The following PCNX4 variants were observed in gnomAD, a reference collection of about 807,000 sequenced individuals.
PCNX4 encodes the protein pecanex-like protein 4.
In PCNX4, 103 loss-of-function variants were observed where a neutral mutation model predicts 107.2. That is an observed-to-expected ratio of 0.96 (90% CI 0.82 to 1.13). The LOEUF (loss-of-function observed/expected upper bound fraction) is 1.13, where lower values mean the gene tolerates loss of function less well. Ranked by LOEUF, PCNX4 falls within the 50% of genes most tolerant of loss-of-function variation. The probability of loss-of-function intolerance (pLI) is 0.00; values close to 1 mark genes in which losing one functional copy is unlikely to be tolerated. For synonymous variants in PCNX4, 541 were observed against 481.7 expected, an observed-to-expected ratio of 1.12 and a Z score of -1.61; for missense variants, 1,528 against 1,379.4, an observed-to-expected ratio of 1.11 and a Z score of -1.71.
intron 7 of PCNX4, among the ~76,000 whole-genome samples, chr14:60,120,002 C>G (rs980305389): frequency 6.6e-6 from 1 of 152,148 alleles, no homozygotes; most frequent in Non-Finnish European, 1.5e-5. Context: ...GTTTTAGATT[C>G]CATGATTTAG....
At position 60,121,189 on chromosome 14, in the gene PCNX4, G is replaced by A; in HGVS notation, c.1943-7G>A. On this transcript the variant is annotated splice_polypyrimidine_tract_variant and splice_region_variant and intron_variant, in intron 7 of 10. Coordinates refer to ENST00000406854, the MANE Select transcript of PCNX4 (RefSeq NM_001330177.2). ...TTTTTTTTTTTTTTTTTTCTAATTT[G>A]TTGTAGGTCTCCTCCTACCTGGATC... The A allele has an allele frequency of 6.2e-6, 4 of 644,216 alleles. No individual in the cohort carries two copies. The highest frequency in any genetic ancestry group is 3.1e-5 in the South Asian group (1 of 31,788). The allele number at this position is 644,216 out of a possible 1,614,324, so 39.9% of individuals were successfully genotyped here. A position where few individuals can be genotyped will look rare whatever the true frequency, so the allele number is the denominator to read the frequency against.
chr14:60,121,286 C>G lies in PCNX4; in HGVS notation c.2033C>G (p.Ser678Cys). 2 of 1,597,792 alleles carry G rather than the reference C, an allele frequency of 1.3e-6. No homozygotes were observed. The highest frequency in any genetic ancestry group is 1.7e-6 in the Non-Finnish European group (2 of 1,171,870). Residue 678 changes from serine to cysteine, a missense_variant, in exon 8 of 11, where the codon TCT (serine) becomes TGT (cysteine). Physicochemically the swap from Ser to Cys is moderately radical, Grantham distance 112. Coordinates refer to ENST00000406854, the MANE Select transcript of PCNX4 (RefSeq NM_001330177.2). ...CTGGAATGTGGCTATACTTACTGCT[C>G]TATTAACATTAAGGTCAGTGTGCAT... ...MILECGYTYC[S>C]INIKGLELQE...
chr14:60,125,850 CAT>C, intron 10 of PCNX4, 27 bp downstream of exon 10: 1 of 1,463,206 alleles, frequency 6.8e-7, no homozygotes, highest in South Asian at 1.3e-5. Context: ...TTTAAACTTA[CAT>C]ATACTAACCT....
intron 10 of PCNX4, among the ~76,000 whole-genome samples, chr14:60,128,219 C>T (rs1896090807): frequency 6.6e-6 from 1 of 152,096 alleles, no homozygotes; most frequent in Non-Finnish European, 1.5e-5. Flanking sequence ...TATTGTAAAA[C>T]ATTAATCCAC....
rs145413835 is a variant in PCNX4, at chr14:60,098,648, A to G, written c.-54+6229A>G. ...AATATATGTTTCTGTTTAAACATCA[A>G]AAGTCTTTTGCTGGGCACGGTGGCT... On this transcript the variant is annotated intron_variant, in intron 1 of 10. Coordinates refer to ENST00000406854, the MANE Select transcript of PCNX4 (RefSeq NM_001330177.2). Among the ~76,000 whole-genome samples, 755 of 152,288 alleles carry G rather than the reference A, an allele frequency of 5.0e-3. 14 individuals are homozygous for G. Among genetic ancestry groups the G allele is most frequent in the African/African-American group, 0.017 (713 of 41,554 alleles).
chr14:60,114,933 CT>C (rs1895814058), intron 3 of PCNX4, 40 bp from the exon 4 acceptor site: 1 of 1,539,556 alleles, frequency 6.5e-7, no homozygotes, highest in Non-Finnish European at 8.7e-7. Flanking sequence ...GAACATTTTT[CT>C]TTTCAAGTAA....
chr14:60,120,938 A>G (rs948068354), intron 7 of PCNX4, among the ~76,000 whole-genome samples: 1 of 152,034 alleles, frequency 6.6e-6, no homozygotes, highest in African/African-American at 2.4e-5. Context: ...AACAACTTCT[A>G]ATTTGTTTTT....
intron 10 of PCNX4, among the ~76,000 whole-genome samples, chr14:60,133,503 T>G (rs574253441): frequency 5.1e-4 from 77 of 152,290 alleles, no homozygotes; most frequent in African/African-American, 1.8e-3. Context: ...GTTTTAAAAC[T>G]TAACTGTGGT....
chr14:60,099,950 G>A (rs752711817), intron 1 of PCNX4, among the ~76,000 whole-genome samples: 10 of 151,892 alleles, frequency 6.6e-5, no homozygotes, highest in South Asian at 4.2e-4. Flanking sequence ...CTTTCGTCCC[G>A]GCTACTTGGG....
chr14:60,118,750 ATAAC>A, intron 7 of PCNX4, 58 bp downstream of exon 7: 1 of 1,469,588 alleles, frequency 6.8e-7, no homozygotes, highest in South Asian at 1.5e-5. Context: ...GTACAAAAAA[ATAAC>A]AAACAGGAAA....
At chr14:60,095,809 A>G (rs553888858) in intron 1 of PCNX4, among the ~76,000 whole-genome samples, 2 of 151,892 alleles carry the variant, frequency 1.3e-5, no homozygotes, top group East Asian at 1.9e-4. Flanking sequence ...AAAAATAGGA[A>G]GAGGAAAGAA....
rs1175511665 is a variant in PCNX4 at position 60,142,065 on chromosome 14, A to T, written c.*7844A>T. On this transcript the variant is annotated 3_prime_UTR_variant, in exon 11 of 11. Transcript: ENST00000406854. This position sits in a 1 kb window ranked among gnomAD's most constrained non-coding sequence, Gnocchi z 4.7. The stretch of plus-strand genomic sequence containing the variant: ...ATGCAAACTAATCTATAATAATGCA[A>T]GCACATCATTGGTTGCCTGGAATGG... 1 of 152,224 alleles carries T rather than the reference A, an allele frequency of 6.6e-6. No homozygotes were observed. Among genetic ancestry groups the T allele is most frequent in the African/African-American group, 2.4e-5 (1 of 41,446 alleles). 9.4% of individuals were successfully genotyped at this position (152,224 alleles called of 1,614,324 possible). A position where few individuals can be genotyped will look rare whatever the true frequency, so the allele number is the denominator to read the frequency against.
At chr14:60,106,379 G>A (rs1053900957) in intron 1 of PCNX4, among the ~76,000 whole-genome samples, 2 of 151,924 alleles carry the variant, frequency 1.3e-5, no homozygotes, top group African/African-American at 4.8e-5. Context: ...TTATTATTTA[G>A]GGAATAATAA....
rs781629096 is a variant in PCNX4, at chr14:60,115,161, TG to T, written c.1059del (p.Trp353Ter). The T allele has an allele frequency of 9.3e-6, 15 of 1,613,568 alleles. No individual in the cohort carries two copies. The highest frequency in any genetic ancestry group is 1.3e-5 in the Non-Finnish European group (15 of 1,179,506). Reference protein sequence around the residue: ...LPSGPEKHFSWKECLFYIIIL... With the variant: ...LPSGPEKHFSXKECLFYIIIL... The stretch of plus-strand genomic sequence containing the variant: ...CAGTGGTCCGGAAAAACATTTTTCA[TG>T]GAAGGAATGCCTTTTCTACATCATT... On this transcript the variant is annotated frameshift_variant, in exon 4 of 11. Coordinates refer to ENST00000406854, the MANE Select transcript of PCNX4 (RefSeq NM_001330177.2). LOFTEE classifies it high-confidence loss of function.
intron 2 of PCNX4, chr14:60,109,742 A>G (rs1425830083): frequency 1.8e-5 from 3 of 167,220 alleles, no homozygotes; most frequent in Non-Finnish European, 2.9e-5. Context: ...CACCCAGCCA[A>G]GGGTTTTGAT....
At chr14:60,119,214 A>G (rs1895909044) in intron 7 of PCNX4, among the ~76,000 whole-genome samples, 1 of 152,196 alleles carries the variant, frequency 6.6e-6, no homozygotes. Flanking sequence ...TAGCCTCCCA[A>G]AATGAAATGC....
Position 60,130,963 on chromosome 14 carries a change from G to A in PCNX4, c.3268-3007G>A, listed in dbSNP as rs564452089. Among the ~76,000 whole-genome samples, 75 of 152,162 alleles carry A rather than the reference G, an allele frequency of 4.9e-4. 1 individual carries two copies. Among genetic ancestry groups the A allele is most frequent in the African/African-American group, 1.3e-3 (54 of 41,520 alleles). On this transcript the variant is annotated intron_variant, in intron 10 of 10. Coordinates refer to ENST00000406854, the MANE Select transcript of PCNX4 (RefSeq NM_001330177.2). Reference sequence around the variant, plus strand: ...GAGGTAATTAGGCTTAGATGAGATCGTGAGCATGGAGCCCCATGATGGGAT... The same window carrying A: ...GAGGTAATTAGGCTTAGATGAGATCATGAGCATGGAGCCCCATGATGGGAT...
intron 1 of PCNX4, among the ~76,000 whole-genome samples, chr14:60,101,946 G>A (rs1895540285): frequency 6.6e-6 from 1 of 152,142 alleles, no homozygotes; most frequent in Non-Finnish European, 1.5e-5. Context: ...AACCTTGAAG[G>A]CATTATGTTA....
At chr14:60,114,316 A>G (rs1369997269) in intron 2 of PCNX4, among the ~76,000 whole-genome samples, 3 of 152,232 alleles carry the variant, frequency 2.0e-5, no homozygotes, top group Admixed American at 6.5e-5. Context: ...ATTTCAGCCA[A>G]TGTAGTAGTT....
Sources: gnomAD v4.1 joint callset for allele counts (sites outside exome capture counted in the v4.1 genomes callset) on GRCh38, gnomAD v4.1.1 for gene constraint, Gnocchi (gnomAD v3.1) non-coding constraint, MANE v1.5 for transcripts, NCBI Gene and HGNC (gene_info 2026-07-23, HGNC 2026-07-21) for gene names.